Variants in DAB2 observed in about 807,000 individuals in gnomAD.
DAB2 encodes the protein disabled homolog 2.
In DAB2, 28 loss-of-function variants were observed where a neutral mutation model predicts 71.6. The ratio of observed to expected loss-of-function variants is 0.39; its 90% CI spans 0.29 to 0.54. The LOEUF is 0.54. Among genes scored for constraint, DAB2 ranks in the 20% least tolerant of loss-of-function variants. The pLI, the probability that DAB2 is intolerant of heterozygous loss-of-function variation, is 0.68. For missense variants in DAB2, 867 were observed against 928.8 expected (o/e 0.93, Z 0.86); for synonymous variants, 345 against 339.7 (o/e 1.02, Z -0.17).
chr5:39,406,262 C>T (rs1172090748), intron 1 of DAB2, among the ~76,000 whole-genome samples: 1 of 152,136 alleles, frequency 6.6e-6, no homozygotes, highest in African/African-American at 2.4e-5. Context: ...GCAGCATGGG[C>T]ATGCCTTGGT....
At chr5:39,397,294 G>A (rs1350102023) in intron 1 of DAB2, among the ~76,000 whole-genome samples, 1 of 152,138 alleles carries the variant, frequency 6.6e-6, no homozygotes, top group Non-Finnish European at 1.5e-5. Flanking sequence ...AGAGCACAGG[G>A]ACTCCAGTAC....
rs368793011 is a variant in DAB2 at position 39,381,473 on chromosome 5, C to A, written c.1485G>T (p.Val495=). The A allele has an allele frequency of 4.3e-6, 7 of 1,613,994 alleles. No individual in the cohort carries two copies. Among genetic ancestry groups the A allele is most frequent in the Non-Finnish European group, 4.2e-6 (5 of 1,179,934 alleles). Reference sequence around the variant, plus strand: ...ACCTACCTAGACCCACCAGGGGCCCCACTGGGGCAGGAGCACTTGTTTTGA... The same window carrying A: ...ACCTACCTAGACCCACCAGGGGCCCAACTGGGGCAGGAGCACTTGTTTTGA... ...DLFKTSAPAP[V]GPLVGLGGVT... is the part of the protein sequence containing the mutation. The change falls in exon 11 of 15, where the codon GTG becomes GTT. Residue 495 remains valine, a synonymous_variant. Transcript: ENST00000320816.
chr5:39,390,497 C>A lies in DAB2; in HGVS notation c.409G>T (p.Val137Leu). 6.2e-7 allele frequency: 1 copy of A among 1,614,042 alleles called. No individual in the cohort carries two copies. The highest frequency in any genetic ancestry group is 8.5e-7 in the Non-Finnish European group (1 of 1,179,992). Residue 137 changes from valine (V) to leucine (L), a missense_variant, in exon 5 of 15, where the codon GTG becomes TTG. Val to Leu is a conservative substitution (Grantham distance 32). This residue lies in a region of DAB2 where 127 missense variants were observed against 194.4 expected (regional missense o/e 0.65). Coordinates refer to ENST00000320816, the MANE Select transcript of DAB2 (RefSeq NM_001343.4). Reference protein sequence around the residue: ...DVTDNRAFGYVCGGEGQHQFF... With the variant: ...DVTDNRAFGYLCGGEGQHQFF... ...TGATGCTGGCCTTCTCCTCCACACA[C>A]GTAACCAAATGCCCGGTTGTCTGTC...
chr5:39,392,201 T>G (rs1755246117), intron 4 of DAB2, 164 bp downstream of exon 4: 7 of 642,930 alleles, frequency 1.1e-5, no homozygotes, highest in Non-Finnish European at 2.0e-5. Context: ...TCTTGACTTT[T>G]ACCTCCTATT....
intron 1 of DAB2, among the ~76,000 whole-genome samples, chr5:39,404,037 T>G (rs552913633): frequency 6.6e-6 from 1 of 152,180 alleles, no homozygotes; most frequent in African/African-American, 2.4e-5. Context: ...TGTTGGACAT[T>G]TGGCTTGGTT....
At chr5:39,393,668 T>C (rs1456387530) in intron 2 of DAB2, among the ~76,000 whole-genome samples, 1 of 150,082 alleles carries the variant, frequency 6.7e-6, no homozygotes, top group Non-Finnish European at 1.5e-5. Context: ...AGGTGGGAGT[T>C]GGGGACATTT....
chr5:39,410,774 A>G (rs1579924671), intron 1 of DAB2, among the ~76,000 whole-genome samples: 2 of 150,306 alleles, frequency 1.3e-5, no homozygotes, highest in South Asian at 4.3e-4. Context: ...GGTTTATGTT[A>G]ATGTTGAGAT....
intron 9 of DAB2, among the ~76,000 whole-genome samples, chr5:39,387,086 T>C (rs1755112991): frequency 6.6e-6 from 1 of 152,184 alleles, no homozygotes; most frequent in Non-Finnish European, 1.5e-5. Context: ...GTGATACTCA[T>C]ATGGTTAGGG....
At chr5:39,396,225 T>C (rs191967950) in intron 1 of DAB2, among the ~76,000 whole-genome samples, 9 of 152,248 alleles carry the variant, frequency 5.9e-5, no homozygotes, top group Admixed American at 3.3e-4. Context: ...GGCAAAGATA[T>C]TTAAAACGAC....
intron 13 of DAB2, 33 bp from the exon 14 acceptor site, chr5:39,375,117 C>T (rs377707873): frequency 3.3e-5 from 49 of 1,491,478 alleles, no homozygotes; most frequent in Non-Finnish European, 4.0e-5. Flanking sequence ...TCAATAAATA[C>T]AGTTACAGTC....
intron 1 of DAB2, among the ~76,000 whole-genome samples, chr5:39,419,089 T>C (rs1484436571): frequency 6.6e-6 from 1 of 152,222 alleles, no homozygotes; most frequent in African/African-American, 2.4e-5. Context: ...ATTTTTCAGT[T>C]TGAGATGTGA....
At chr5:39,397,412 C>T (rs1319338092) in intron 1 of DAB2, among the ~76,000 whole-genome samples, 1 of 152,206 alleles carries the variant, frequency 6.6e-6, no homozygotes, top group Non-Finnish European at 1.5e-5. Context: ...TTTGTCCCCT[C>T]AGCCCTAGAG....
Position 39,398,419 on chromosome 5 carries a change from G to A in DAB2, c.-101-3998C>T, listed in dbSNP as rs531339314. On this transcript the variant is annotated intron_variant, in intron 1 of 14. Coordinates refer to ENST00000320816, the MANE Select transcript of DAB2 (RefSeq NM_001343.4). ...TACAGCTTTTCATAGCATTGGAATT[G>A]CTTTAAAGGTAATTGATTTCCTTTG... Among the ~76,000 whole-genome samples the A allele has an allele frequency of 2.2e-4, 33 of 152,260 alleles. No individual in the cohort carries two copies. The South Asian group carries it at 6.6e-3, about 31-fold the overall frequency.
intron 1 of DAB2, among the ~76,000 whole-genome samples, chr5:39,424,470 T>TACAC (rs56974213): frequency 2.5e-4 from 34 of 134,558 alleles, no homozygotes; most frequent in Non-Finnish European, 3.6e-4. Flanking sequence ...GCAGACCTTT[T>TACAC]ACACACACAC....
rs775936778 is a variant in DAB2 at position 39,382,883 on chromosome 5, G to A, written c.1076C>T (p.Ala359Val). The change falls in exon 10 of 15, where the codon GCT becomes GTT. Residue 359 changes from alanine (A) to valine (V), a missense_variant. Around this residue, in one of 2 missense-constraint regions of DAB2, gnomAD observed 740 missense variants for 734.3 expected, o/e 1.01. Coordinates refer to ENST00000320816, the MANE Select transcript of DAB2 (RefSeq NM_001343.4). ...TGAAAAGGGCCATGGGCCTGCCTGA[G>A]CTTCCTGTTTGCCAGTCCGGTTAGA... is the stretch of plus-strand genomic sequence containing the variant. ...QISNRTGKQEAQAGPWPFSSS... is the reference protein window; with the variant it reads ...QISNRTGKQEVQAGPWPFSSS... 2 of 1,614,136 alleles carry A rather than the reference G, an allele frequency of 1.2e-6. No homozygotes were observed. Among genetic ancestry groups the A allele is most frequent in the Non-Finnish European group, 1.7e-6 (2 of 1,180,030 alleles).
intron 4 of DAB2, among the ~76,000 whole-genome samples, chr5:39,391,467 A>G (rs1474862689): frequency 6.6e-6 from 1 of 152,142 alleles, no homozygotes; most frequent in East Asian, 1.9e-4. Flanking sequence ...GTGGTGCCTG[A>G]GGACCCCAGC....
At chr5:39,390,322 C>T (rs911352769) in intron 5 of DAB2, 122 bp downstream of exon 5, 14 of 1,236,440 alleles carry the variant, frequency 1.1e-5, no homozygotes, top group African/African-American at 7.6e-5. Context: ...TAGTCATTCT[C>T]GGAATTATTA....
rs188591916 is a variant in DAB2, at chr5:39,396,106, G to A, written c.-101-1685C>T. Among the ~76,000 whole-genome samples the A allele has an allele frequency of 3.9e-5, 6 of 151,910 alleles. No homozygotes were observed. The East Asian group carries it at 9.7e-4, about 25-fold the overall frequency. On this transcript the variant is annotated intron_variant, in intron 1 of 14. Transcript: ENST00000320816. Reference sequence around the variant, plus strand: ...TGGGATTACAGGTGAGGGGCACTACGCCCGGCTAAGTTTTGTATTTTCAGT... The same window carrying A: ...TGGGATTACAGGTGAGGGGCACTACACCCGGCTAAGTTTTGTATTTTCAGT...
chr5:39,388,923 G>A, intron 7 of DAB2, 71 bp from the exon 8 acceptor site: 1 of 1,394,600 alleles, frequency 7.2e-7, no homozygotes, highest in Non-Finnish European at 1.0e-6. Context: ...CACTCTATTA[G>A]TCTGCTAAGC....
Sources: gnomAD v4.1 joint callset for allele counts (sites outside exome capture counted in the v4.1 genomes callset) on GRCh38, gnomAD v4.1.1 for gene constraint, gnomAD v4.1.1 regional missense constraint, MANE v1.5 for transcripts, NCBI Gene and HGNC (gene_info 2026-07-23, HGNC 2026-07-21) for gene names.